Variants in RBFOX2 observed in about 807,000 individuals in gnomAD.
RBFOX2 encodes RNA binding protein fox-1 homolog 2.
Under a neutral mutation model 49.1 loss-of-function variants are expected in RBFOX2, and 10 were observed. The ratio of observed to expected loss-of-function variants is 0.20; its 90% CI spans 0.13 to 0.35. RBFOX2 has a LOEUF of 0.35. Among genes scored for constraint, RBFOX2 ranks in the 10% least tolerant of loss-of-function variants. The probability of loss-of-function intolerance (pLI) is 1.00; values close to 1 mark genes in which losing one functional copy is unlikely to be tolerated. For missense variants in RBFOX2, 323 were observed against 486.9 expected, an observed-to-expected ratio of 0.66 and a Z score of 3.17; for synonymous variants, 183 against 187.4, an observed-to-expected ratio of 0.98 and a Z score of 0.19.
At chr22:35,783,545 G>C (rs531977400) in intron 2 of RBFOX2, among the ~76,000 whole-genome samples, 2 of 152,128 alleles carry the variant, frequency 1.3e-5, no homozygotes, top group African/African-American at 2.4e-5. Context: ...AGCGAGTTTG[G>C]GGGGGCACAG....
intron 1 of RBFOX2, among the ~76,000 whole-genome samples, chr22:35,935,241 T>C (rs2052924759): frequency 6.6e-6 from 1 of 152,218 alleles, no homozygotes; most frequent in South Asian, 2.1e-4. Flanking sequence ...TGGTCCTGCA[T>C]GGCCTTAGAT....
At chr22:35,938,797 A>G (rs780432939) in intron 1 of RBFOX2, 50 bp downstream of exon 2, 2 of 1,550,246 alleles carry the variant, frequency 1.3e-6, no homozygotes, top group Non-Finnish European at 1.8e-6. Context: ...CCCTTTGATG[A>G]AACACACCAC....
intron 1 of RBFOX2, among the ~76,000 whole-genome samples, chr22:35,830,667 T>A (rs1956620149): frequency 6.6e-6 from 1 of 152,182 alleles, no homozygotes. Flanking sequence ...TAAGTATTTG[T>A]GTGTCTAAAT....
rs569626102 is a variant in RBFOX2, at chr22:35,771,975, C to T, written c.454-3626G>A. Among the ~76,000 whole-genome samples the T allele has an allele frequency of 1.2e-4, 18 of 152,252 alleles. No homozygotes were observed. In the South Asian group the frequency reaches 2.5e-3, roughly 21 times the overall value. On this transcript the variant is annotated intron_variant, in intron 4 of 11. Coordinates refer to ENST00000405409, the Ensembl canonical transcript of RBFOX2. ...GATCTCTTGCTTTGGAAAAAAAAGT[C>T]AGTAAAATTATGTCTAAATCTAAAG...
At position 35,936,114 on chromosome 22, in the gene RBFOX2, A is replaced by G. The variant is rs903948742; in HGVS notation, c.-34+2733T>C. On this transcript the variant is annotated intron_variant, in intron 1 of 13. Transcript: ENST00000359369. ...GTGGTCCCAGCTACTCAGGAGGCTGAGGTGGGAGAATCACTTGCACCCCAG... is the reference window on the plus strand; with the variant it reads ...GTGGTCCCAGCTACTCAGGAGGCTGGGGTGGGAGAATCACTTGCACCCCAG... 4.0e-5 allele frequency among the ~76,000 whole-genome samples: 6 copies of G among 151,536 alleles called. 1 individual carries two copies.
At chr22:35,978,059 T>C (rs905887916) in intron 1 of RBFOX2, among the ~76,000 whole-genome samples, 2 of 151,758 alleles carry the variant, frequency 1.3e-5, no homozygotes, top group South Asian at 2.1e-4. Flanking sequence ...TTCCAGAACA[T>C]GAGGAGTAGG....
At chr22:35,746,365 G>A (rs1170262173) in intron 10 of RBFOX2, 108 bp downstream of exon 12, 12 of 1,036,346 alleles carry the variant, frequency 1.2e-5, no homozygotes, top group African/African-American at 3.2e-5. Flanking sequence ...CAAGATGCCC[G>A]ATGTGCTAAG....
intron 1 of RBFOX2, among the ~76,000 whole-genome samples, chr22:36,020,273 T>C (rs2059192710): frequency 6.6e-6 from 1 of 152,186 alleles, no homozygotes; most frequent in African/African-American, 2.4e-5. Flanking sequence ...ATTTAAATGT[T>C]AGACCTAAAA....
chr22:35,994,595 G>A (rs1168419111), intron 1 of RBFOX2: 3 of 151,696 alleles, frequency 2.0e-5, no homozygotes, highest in African/African-American at 7.3e-5. Flanking sequence ...TTGTAGAAAT[G>A]GGGTCTCTCT....
intron 1 of RBFOX2, among the ~76,000 whole-genome samples, chr22:35,856,940 G>A (rs949593362): frequency 6.6e-6 from 1 of 152,156 alleles, no homozygotes; most frequent in African/African-American, 2.4e-5. Context: ...GTTGAGGCAG[G>A]AGAATTGCCT....
intron 1 of RBFOX2, among the ~76,000 whole-genome samples, chr22:35,827,383 C>T (rs530243875): frequency 2.0e-5 from 3 of 152,196 alleles, no homozygotes; most frequent in Admixed American, 6.5e-5. Context: ...TCACACCAAA[C>T]TATAAAAACA....
intron 1 of RBFOX2, among the ~76,000 whole-genome samples, chr22:36,014,783 AT>A (rs1170910463): frequency 6.6e-6 from 1 of 152,246 alleles, no homozygotes; most frequent in East Asian, 1.9e-4. Flanking sequence ...GATACAGGTT[AT>A]CTATTAATCA....
chr22:35,940,265 T>C (rs1244402206), upstream of RBFOX2, among the ~76,000 whole-genome samples: 1 of 152,128 alleles, frequency 6.6e-6, no homozygotes. Context: ...AATAAATAAA[T>C]GGAGCTAAAT....
chr22:35,930,309 C>T (rs1263905179), intron 1 of RBFOX2, among the ~76,000 whole-genome samples: 3 of 152,024 alleles, frequency 2.0e-5, no homozygotes, highest in Non-Finnish European at 2.9e-5. Flanking sequence ...GCGTGAGCCA[C>T]TGCGCTGGCC....
intron 1 of RBFOX2, among the ~76,000 whole-genome samples, chr22:36,014,579 C>G (rs2058962218): frequency 6.6e-6 from 1 of 151,994 alleles, no homozygotes; most frequent in Admixed American, 6.6e-5. Context: ...CAAAAAATAA[C>G]CCATAGTAAA....
At chr22:35,822,827 CTTT>C (rs57822436) in intron 1 of RBFOX2, 465 of 386,910 alleles carry the variant, frequency 1.2e-3, no homozygotes, top group Admixed American at 1.7e-3. Context: ...TTTGGGTTGT[CTTT>C]TTTTTTTTTT....
intron 1 of RBFOX2, among the ~76,000 whole-genome samples, chr22:35,974,627 T>A: frequency 6.6e-6 from 1 of 151,952 alleles, no homozygotes; most frequent in East Asian, 1.9e-4. Context: ...GCAGAGGTTG[T>A]GGTGAGCCGA....
chr22:35,815,360 T>C (rs976266416), intron 1 of RBFOX2, among the ~76,000 whole-genome samples: 34 of 152,180 alleles, frequency 2.2e-4, no homozygotes, highest in Admixed American at 1.3e-4. Flanking sequence ...TTAAAACCTA[T>C]GCACAGTACT....
intron 1 of RBFOX2, among the ~76,000 whole-genome samples, chr22:36,001,502 T>C (rs1048571702): frequency 1.3e-5 from 2 of 152,226 alleles, no homozygotes; most frequent in Non-Finnish European, 2.9e-5. Flanking sequence ...GGCTCATGCC[T>C]GTAATCCTAG....
Sources: allele counts gnomAD v4.1 joint callset (sites outside exome capture counted in the v4.1 genomes callset), GRCh38; gene constraint gnomAD v4.1.1; transcripts MANE v1.5; gene names NCBI Gene and HGNC (gene_info 2026-07-23, HGNC 2026-07-21).